The following DLG2 variants were observed in gnomAD, a reference collection of about 807,000 sequenced individuals.
DLG2 encodes the protein disks large homolog 2.
A neutral mutation model predicts 132.5 loss-of-function variants in DLG2; 45 were observed. The observed-to-expected ratio is 0.34, with a 90% CI of 0.27 to 0.44. DLG2 has a LOEUF of 0.44. Among genes scored for constraint, DLG2 ranks in the 20% least tolerant of loss-of-function variants. DLG2 has a pLI of 1.00. For missense variants in DLG2, 1,045 were observed against 1,196.9 expected (o/e 0.87, Z 1.87); for synonymous variants, 424 against 419.6 (o/e 1.01, Z -0.13).
chr11:85,555,218 A>G (rs892816760), intron 3 of DLG2, among the ~76,000 whole-genome samples: 6 of 151,888 alleles, frequency 4.0e-5, no homozygotes, highest in African/African-American at 1.4e-4. Context: ...ACTTAAATAG[A>G]TCTATACCCA....
chr11:85,477,129 T>A (rs192682860), intron 3 of DLG2, among the ~76,000 whole-genome samples: 1 of 152,226 alleles, frequency 6.6e-6, no homozygotes, highest in Non-Finnish European at 1.5e-5. Flanking sequence ...TAATCATACA[T>A]GTAGTCGGCT....
At chr11:83,786,125 A>G (rs192758573) in intron 18 of DLG2, among the ~76,000 whole-genome samples, 3 of 152,306 alleles carry the variant, frequency 2.0e-5, no homozygotes, top group Admixed American at 2.0e-4. Flanking sequence ...GGCTAATCCA[A>G]TTTAGGATAT....
intron 15 of DLG2, among the ~76,000 whole-genome samples, chr11:83,904,187 C>T (rs1220972852): frequency 1.3e-5 from 2 of 152,084 alleles, no homozygotes; most frequent in Non-Finnish European, 2.9e-5. Context: ...AGGGATTATT[C>T]GGGTCCTGGG....
intron 7 of DLG2, among the ~76,000 whole-genome samples, chr11:84,332,595 C>T (rs2098466016): frequency 6.6e-6 from 1 of 150,858 alleles, no homozygotes; most frequent in African/African-American, 2.4e-5. Context: ...ACTGTAACCC[C>T]GGCATCCCAA....
rs147845915 is a variant in DLG2, at chr11:83,713,028, T to A, written c.1825+73662A>T. Among the ~76,000 whole-genome samples the A allele has an allele frequency of 2.4e-3, 358 of 151,958 alleles. 2 individuals are homozygous for A. Among genetic ancestry groups the A allele is most frequent in the African/African-American group, 8.5e-3 (352 of 41,496 alleles). ...AATTTATTTTTTTACTAAATATTTGTTTAATTGCAAACTGAGAATATACAA... is the reference window on the plus strand; with the variant it reads ...AATTTATTTTTTTACTAAATATTTGATTAATTGCAAACTGAGAATATACAA... On this transcript the variant is annotated intron_variant, in intron 18 of 27. Coordinates refer to ENST00000376104, the MANE Select transcript of DLG2 (RefSeq NM_001142699.3).
chr11:84,681,669 A>G (rs949895641), intron 6 of DLG2, among the ~76,000 whole-genome samples: 1 of 152,072 alleles, frequency 6.6e-6, no homozygotes, highest in Non-Finnish European at 1.5e-5. Flanking sequence ...AGATGAGACA[A>G]TCCATCTGCA....
In DLG2 at chr11:83,563,206, T is replaced by C. The variant is rs563272398; in HGVS notation, c.1941-21348A>G. Among the ~76,000 whole-genome samples the C allele has an allele frequency of 5.9e-5, 9 of 152,212 alleles. No individual in the cohort carries two copies. In the East Asian group the frequency reaches 1.7e-3, roughly 29 times the overall value. On this transcript the variant is annotated intron_variant, in intron 19 of 27. Coordinates refer to ENST00000376104, the MANE Select transcript of DLG2 (RefSeq NM_001142699.3). ...GTTAGCCAGGATGGTCGCGATCTCC[T>C]GACCTCATGATCCGCCCGCCTCGGC...
At chr11:83,479,228 G>T (rs1426090541) in intron 22 of DLG2, among the ~76,000 whole-genome samples, 1 of 151,862 alleles carries the variant, frequency 6.6e-6, no homozygotes, top group African/African-American at 2.4e-5. Context: ...ACCTCCATCT[G>T]CCATCTTTCC....
chr11:85,553,009 C>T (rs1428741194), intron 3 of DLG2, among the ~76,000 whole-genome samples: 1 of 151,564 alleles, frequency 6.6e-6, no homozygotes. Context: ...ATACTAAAAG[C>T]AACCTCAGAG....
At chr11:84,431,712 G>A (rs1413169964) in intron 7 of DLG2, among the ~76,000 whole-genome samples, 2 of 151,900 alleles carry the variant, frequency 1.3e-5, no homozygotes, top group East Asian at 1.9e-4. Flanking sequence ...TAATTTGATA[G>A]CAAGTATAAT....
At chr11:84,776,416 A>G (rs1565930766) in intron 6 of DLG2, among the ~76,000 whole-genome samples, 1 of 152,122 alleles carries the variant, frequency 6.6e-6, no homozygotes, top group Non-Finnish European at 1.5e-5. Context: ...CTTGGCCTCT[A>G]AAATAATGGG....
intron 6 of DLG2, among the ~76,000 whole-genome samples, chr11:84,995,782 T>C (rs2057592119): frequency 6.6e-6 from 1 of 152,114 alleles, no homozygotes; most frequent in South Asian, 2.1e-4. Flanking sequence ...TATGGAAGCC[T>C]AGGACAGGTG....
chr11:84,314,095 C>A (rs2098330392), intron 7 of DLG2, among the ~76,000 whole-genome samples: 1 of 152,070 alleles, frequency 6.6e-6, no homozygotes, highest in Admixed American at 6.5e-5. Flanking sequence ...TTACTATGGC[C>A]CTCTGTTATA....
intron 11 of DLG2, among the ~76,000 whole-genome samples, chr11:84,042,168 T>C (rs972064293): frequency 6.6e-6 from 1 of 151,976 alleles, no homozygotes; most frequent in Admixed American, 6.6e-5. Context: ...ATGTCCAGTT[T>C]TCCCAATATA....
chr11:85,261,379 C>T (rs2076931967), intron 4 of DLG2, among the ~76,000 whole-genome samples: 1 of 151,992 alleles, frequency 6.6e-6, no homozygotes, highest in Non-Finnish European at 1.5e-5. Context: ...ACACCACATC[C>T]CCCACCCCCA....
intron 7 of DLG2, chr11:84,317,238 T>A: frequency 6.6e-7 from 1 of 1,513,146 alleles, no homozygotes; most frequent in Non-Finnish European, 8.8e-7. Flanking sequence ...GTAAAAGTCT[T>A]TTTTCCACCG....
chr11:84,276,578 C>A (rs2097785116), intron 7 of DLG2, among the ~76,000 whole-genome samples: 1 of 152,192 alleles, frequency 6.6e-6, no homozygotes. Context: ...ACTGTCTCTG[C>A]CCACAAGTGG....
intron 4 of DLG2, among the ~76,000 whole-genome samples, chr11:85,159,288 A>G (rs1017307115): frequency 6.6e-6 from 1 of 152,196 alleles, no homozygotes; most frequent in Non-Finnish European, 1.5e-5. Flanking sequence ...TCCTGTGGTC[A>G]TTTCTGCAGT....
intron 6 of DLG2, among the ~76,000 whole-genome samples, chr11:84,954,360 A>C (rs1042245832): frequency 6.6e-5 from 10 of 152,086 alleles, no homozygotes; most frequent in Non-Finnish European, 1.5e-4. Context: ...TAAAAAAAAA[A>C]AAAAAACCCT....
Sources: allele counts gnomAD v4.1 joint callset (sites outside exome capture counted in the v4.1 genomes callset), GRCh38; gene constraint gnomAD v4.1.1; transcripts MANE v1.5; gene names NCBI Gene and HGNC (gene_info 2026-07-23, HGNC 2026-07-21).